RIMS1: variants seen among roughly 807,000 people sequenced by gnomAD.
The protein encoded by RIMS1 is regulating synaptic membrane exocytosis protein 1.
A neutral mutation model predicts 214.1 loss-of-function variants in RIMS1; 83 were observed. That is an observed-to-expected ratio of 0.39 (90% CI 0.32 to 0.47). The LOEUF is 0.47. RIMS1 is among the 20% of genes least tolerant of loss of function. RIMS1 has a pLI of 0.99. For missense variants in RIMS1, 2,050 were observed against 2,161.8 expected, an observed-to-expected ratio of 0.95 and a Z score of 1.03; for synonymous variants, 793 against 786.8, an observed-to-expected ratio of 1.01 and a Z score of -0.13.
In RIMS1 at chr6:72,361,820, C is replaced by T. The variant is rs150761211; in HGVS notation, c.4366+27985C>T. On this transcript the variant is annotated intron_variant, in intron 29 of 33. Coordinates refer to ENST00000521978, the MANE Select transcript of RIMS1 (RefSeq NM_014989.7). ...TCTTATAAAGACTCTTGTGATTATACTGCCTTCACTCAGATAATCCAGGAT... is the reference window on the plus strand; with the variant it reads ...TCTTATAAAGACTCTTGTGATTATATTGCCTTCACTCAGATAATCCAGGAT... 6.2e-3 allele frequency among the ~76,000 whole-genome samples: 940 copies of T among 152,300 alleles called. 7 individuals are homozygous for T. Among genetic ancestry groups the T allele is most frequent in the African/African-American group, 0.022 (912 of 41,554 alleles).
chr6:72,182,994 C>G lies in RIMS1; in HGVS notation c.1523C>G (p.Ser508Trp), dbSNP rs1446600885. 2 of 1,593,152 alleles carry G rather than the reference C, an allele frequency of 1.3e-6. No individual in the cohort carries two copies. Among genetic ancestry groups the G allele is most frequent in the African/African-American group, 1.3e-5 (1 of 74,478 alleles). The change falls in exon 6 of 34, where the codon TCG becomes TGG. Residue 508 changes from serine to tryptophan, a missense_variant. By Grantham distance (177) the Ser-to-Trp change is radical (BLOSUM62 -3). This residue lies in a region of RIMS1 where 882 missense variants were observed against 828.9 expected (regional missense o/e 1.06). Transcript: ENST00000521978. Reference sequence around the variant, plus strand: ...TCTTTGAGCTCAGACCAGTCCGAGTCGGTGCGGCCGTCCCCGCCCAAGCCG... The same window carrying G: ...TCTTTGAGCTCAGACCAGTCCGAGTGGGTGCGGCCGTCCCCGCCCAAGCCG... ...NDSLSSDQSE[S>W]VRPSPPKPHR...
At chr6:72,102,248 G>A (rs2033772814) in intron 4 of RIMS1, among the ~76,000 whole-genome samples, 2 of 151,748 alleles carry the variant, frequency 1.3e-5, no homozygotes, top group Non-Finnish European at 2.9e-5. Flanking sequence ...AAGGATGATT[G>A]GTTGATGAAT....
intron 1 of RIMS1, among the ~76,000 whole-genome samples, chr6:71,920,746 A>G (rs1212791543): frequency 6.6e-6 from 1 of 152,306 alleles, no homozygotes; most frequent in Non-Finnish European, 1.5e-5. Flanking sequence ...GCATTAAATG[A>G]GCCTATTTAC....
At chr6:72,367,703 CA>C in intron 29 of RIMS1, among the ~76,000 whole-genome samples, 1 of 152,220 alleles carries the variant, frequency 6.6e-6, no homozygotes, top group Non-Finnish European at 1.5e-5. Context: ...TATATATATT[CA>C]AAAACAGTGC....
In RIMS1 at chr6:72,228,367, A is replaced by T. The variant is rs541735474; in HGVS notation, c.1679-5406A>T. ...TCTATTCTCTGTTTCCATGAATTTG[A>T]CTATTTTAGATTCCTCATATAATAC... On this transcript the variant is annotated intron_variant, in intron 6 of 33. Coordinates refer to ENST00000521978, the MANE Select transcript of RIMS1 (RefSeq NM_014989.7). Among the ~76,000 whole-genome samples the T allele has an allele frequency of 2.0e-5, 3 of 151,966 alleles. No homozygotes were observed. In the East Asian group the frequency reaches 5.8e-4, roughly 29 times the overall value.
intron 29 of RIMS1, among the ~76,000 whole-genome samples, chr6:72,353,986 G>A (rs1033360819): frequency 1.1e-4 from 17 of 152,058 alleles, no homozygotes; most frequent in African/African-American, 1.9e-4. Context: ...TTGGGAGGCC[G>A]AGGAAGGTGA....
chr6:72,327,999 A>G (rs935894429), intron 28 of RIMS1, among the ~76,000 whole-genome samples: 9 of 151,928 alleles, frequency 5.9e-5, no homozygotes, highest in African/African-American at 1.9e-4. Flanking sequence ...ATAAAGACAC[A>G]TGCACAAGTA....
intron 29 of RIMS1, among the ~76,000 whole-genome samples, chr6:72,380,168 G>T (rs1385534555): frequency 5.9e-5 from 9 of 152,124 alleles, no homozygotes; most frequent in Admixed American, 5.2e-4. Flanking sequence ...AACACCGCAT[G>T]TTCTCACTCA....
In RIMS1 at chr6:72,262,798, T is replaced by C. The variant is rs1049536251; in HGVS notation, c.3116+2031T>C. 3 of 761,868 alleles carry C rather than the reference T, an allele frequency of 3.9e-6. No homozygotes were observed. The African/African-American group carries it at 5.7e-5, about 14-fold the overall frequency. The allele number at this position is 761,868 out of a possible 1,614,324, so 47.2% of individuals were successfully genotyped here. ...CTATCCATGGCTAAAATCTAAAGCT[T>C]TCAAAATACATCATACCATGTTCAC... On this transcript the variant is annotated intron_variant, in intron 19 of 33. Transcript: ENST00000521978.
At chr6:72,312,247 T>C (rs2095547121) in intron 27 of RIMS1, among the ~76,000 whole-genome samples, 1 of 152,178 alleles carries the variant, frequency 6.6e-6, no homozygotes, top group South Asian at 2.1e-4. Flanking sequence ...TTTCATACTT[T>C]ATTTCTCATA....
At chr6:72,228,500 G>A (rs2060960505) in intron 6 of RIMS1, among the ~76,000 whole-genome samples, 2 of 151,798 alleles carry the variant, frequency 1.3e-5, no homozygotes, top group African/African-American at 4.8e-5. Flanking sequence ...AAAATGGCAG[G>A]ATTTCCTTCT....
At chr6:72,208,585 T>C (rs778771034) in intron 6 of RIMS1, among the ~76,000 whole-genome samples, 4 of 152,124 alleles carry the variant, frequency 2.6e-5, no homozygotes, top group Non-Finnish European at 5.9e-5. Context: ...GAGGCTGAAA[T>C]TGTCAACTTC....
chr6:72,231,785 C>T (rs2062059452), intron 6 of RIMS1, among the ~76,000 whole-genome samples: 1 of 151,590 alleles, frequency 6.6e-6, no homozygotes, highest in Non-Finnish European at 1.5e-5. Context: ...GGTCCTTTGC[C>T]TATAAGAACA....
At chr6:72,264,655 G>C (rs2079580144) in intron 19 of RIMS1, among the ~76,000 whole-genome samples, 1 of 151,990 alleles carries the variant, frequency 6.6e-6, no homozygotes, top group Non-Finnish European at 1.5e-5. Context: ...CGTAGAAGTA[G>C]GCATAATATT....
At chr6:72,089,445 G>C (rs1835578520) in intron 2 of RIMS1, among the ~76,000 whole-genome samples, 1 of 151,992 alleles carries the variant, frequency 6.6e-6, no homozygotes, top group Non-Finnish European at 1.5e-5. Flanking sequence ...TGGTATTTTT[G>C]TTTTGTTTTG....
intron 23 of RIMS1, among the ~76,000 whole-genome samples, chr6:72,274,876 T>G (rs1473927494): frequency 1.3e-5 from 2 of 151,970 alleles, no homozygotes; most frequent in African/African-American, 4.8e-5. Flanking sequence ...TAGGCTTTGA[T>G]TATATTAAAT....
chr6:72,195,515 G>A (rs1472157049), intron 6 of RIMS1, among the ~76,000 whole-genome samples: 2 of 152,040 alleles, frequency 1.3e-5, no homozygotes, highest in African/African-American at 4.8e-5. Context: ...ATGGTGTTAG[G>A]GTACCAAGTG....
chr6:72,148,844 G>A (rs1052243062), intron 4 of RIMS1, among the ~76,000 whole-genome samples: 1 of 152,024 alleles, frequency 6.6e-6, no homozygotes, highest in Non-Finnish European at 1.5e-5. Context: ...GTCAGTGACT[G>A]GTGGGGGTAG....
intron 26 of RIMS1, among the ~76,000 whole-genome samples, chr6:72,295,388 G>T (rs2093958963): frequency 6.6e-6 from 1 of 151,730 alleles, no homozygotes; most frequent in African/African-American, 2.4e-5. Context: ...TTTCTTTCAT[G>T]TGGAAAATGT....
Sources: allele counts gnomAD v4.1 joint callset (sites outside exome capture counted in the v4.1 genomes callset), GRCh38; gene constraint gnomAD v4.1.1; regional missense constraint gnomAD v4.1.1; transcripts MANE v1.5; gene names NCBI Gene and HGNC (gene_info 2026-07-23, HGNC 2026-07-21).